LIAS: variants seen among roughly 807,000 people sequenced by gnomAD.
LIAS encodes the protein lipoic acid synthetase, also known as lipoyl synthase, mitochondrial.
In LIAS, 36 loss-of-function variants were observed where a neutral mutation model predicts 49.4. The observed-to-expected ratio is 0.73, with a 90% confidence interval of 0.56 to 0.96. The LOEUF (loss-of-function observed/expected upper bound fraction) is 0.96. Ranked by LOEUF, LIAS falls within the 40% of genes least tolerant of loss-of-function variation. LIAS has a pLI of 0.00. For synonymous variants in LIAS, 145 were observed against 155.8 expected (o/e 0.93, Z 0.52); for missense variants, 399 against 456.3 (o/e 0.87, Z 1.14).
intron 9 of LIAS, among the ~76,000 whole-genome samples, chr4:39,471,829 A>AT (rs1407968001): frequency 6.6e-6 from 1 of 151,798 alleles, no homozygotes; most frequent in Non-Finnish European, 1.5e-5. Flanking sequence ...CACCCAGCCA[A>AT]TTTTTTATAT....
At chr4:39,468,051 T>C (rs553156692) in intron 7 of LIAS, 2 of 152,270 alleles carry the variant, frequency 1.3e-5, no homozygotes, top group African/African-American at 4.8e-5. Flanking sequence ...CTTTTTTCTT[T>C]TGTTTTAAAA....
chr4:39,472,122 TATAC>T (rs772513044), intron 9 of LIAS, among the ~76,000 whole-genome samples: 6 of 130,910 alleles, frequency 4.6e-5, no homozygotes, highest in Non-Finnish European at 8.4e-5. Flanking sequence ...CACACACACA[TATAC>T]ACACACACAC....
intron 6 of LIAS, 128 bp from the exon 7 acceptor site, chr4:39,467,390 C>A: frequency 3.7e-6 from 3 of 809,994 alleles, no homozygotes; most frequent in Non-Finnish European, 5.3e-6. Context: ...TATGTTCATA[C>A]TTTTCTTGAC....
rs1182861876 is a variant in LIAS at position 39,471,232 on chromosome 4, A to G, written c.884-4A>G. On this transcript the variant is annotated splice_polypyrimidine_tract_variant and splice_region_variant and intron_variant, in intron 8 of 10. Coordinates refer to ENST00000640888, the MANE Select transcript of LIAS (RefSeq NM_006859.4). ...TAATGTAATTTGTGCTTTTCTTCCT[A>G]CAGCACTTCGTGAGGCAGATGTAGA... 1.2e-6 allele frequency: 2 copies of G among 1,607,276 alleles called. No homozygotes were observed. Among genetic ancestry groups the G allele is most frequent in the African/African-American group, 1.3e-5 (1 of 74,824 alleles).
chr4:39,463,392 A>G (rs1744619376), intron 3 of LIAS, 133 bp from the exon 4 acceptor site: 2 of 1,233,472 alleles, frequency 1.6e-6, no homozygotes, highest in Non-Finnish European at 2.1e-6. Context: ...TCTTAACAGC[A>G]TTTTTGAATA....
chr4:39,475,158 G>C (rs1745148528), intron 10 of LIAS: 1 of 152,380 alleles, frequency 6.6e-6, no homozygotes, highest in African/African-American at 2.4e-5. Context: ...AGTGAGCCAA[G>C]ATCCTGCCAC....
chr4:39,460,712 G>A (rs554747736), intron 1 of LIAS, 78 bp from the exon 2 acceptor site: 94 of 1,239,460 alleles, frequency 7.6e-5, no homozygotes, highest in Non-Finnish European at 9.6e-5. Context: ...TTACCCTTCC[G>A]TTTAGGTGTT....
At chr4:39,471,979 A>G (rs927991834) in intron 9 of LIAS, among the ~76,000 whole-genome samples, 4 of 151,754 alleles carry the variant, frequency 2.6e-5, no homozygotes, top group African/African-American at 9.7e-5. Context: ...ATAGCTTTTG[A>G]CTCCCAAAAA....
chr4:39,464,927 A>T, intron 4 of LIAS, 119 bp from the exon 5 acceptor site: 1 of 711,352 alleles, frequency 1.4e-6, no homozygotes, highest in Non-Finnish European at 2.3e-6. Flanking sequence ...GAATGTTTCA[A>T]ATTTCTTATA....
intron 4 of LIAS, chr4:39,464,163 A>C (rs1018677155): frequency 6.6e-6 from 1 of 152,018 alleles, no homozygotes; most frequent in Non-Finnish European, 1.5e-5. Context: ...AACCTTGTCC[A>C]TACAAAAAAA....
At position 39,461,295 on chromosome 4, in the gene LIAS, G is replaced by C. The variant is rs566777068; in HGVS notation, c.218+333G>C. Among the ~76,000 whole-genome samples the C allele has an allele frequency of 7.2e-5, 11 of 152,270 alleles. No homozygotes were observed. The South Asian group carries it at 2.3e-3, about 32-fold the overall frequency. On this transcript the variant is annotated intron_variant, in intron 2 of 10. Transcript: ENST00000640888. Reference sequence around the variant, plus strand: ...GATGATCTAACTTGTGCTTCTCCTAGTCAATTTACATGTGACCTATGGATA... The same window carrying C: ...GATGATCTAACTTGTGCTTCTCCTACTCAATTTACATGTGACCTATGGATA...
chr4:39,462,578 G>A (rs917767762), intron 3 of LIAS, among the ~76,000 whole-genome samples: 4 of 152,128 alleles, frequency 2.6e-5, no homozygotes, highest in Non-Finnish European at 5.9e-5. Flanking sequence ...TGTCACATAC[G>A]CAATGCCATA....
rs185073607 is a variant in LIAS at position 39,471,621 on chromosome 4, G to A, written c.954+315G>A. Among the ~76,000 whole-genome samples, 1,139 of 141,080 alleles carry A rather than the reference G, an allele frequency of 8.1e-3. 12 individuals carry two copies. The highest frequency in any genetic ancestry group is 0.025 in the Middle Eastern group (6 of 242). The allele number at this position is 141,080 out of a possible 152,430, so 92.6% of individuals were successfully genotyped here. A position where few individuals can be genotyped will look rare whatever the true frequency, so the allele number is the denominator to read the frequency against. Reference sequence around the variant, plus strand: ...GGCTCACTGCAACCTCCACCTCCCAGGTTCAAATGATTTTCATGCTTCAGC... The same window carrying A: ...GGCTCACTGCAACCTCCACCTCCCAAGTTCAAATGATTTTCATGCTTCAGC... On this transcript the variant is annotated intron_variant, in intron 9 of 10. Transcript: ENST00000640888.
intron 6 of LIAS, among the ~76,000 whole-genome samples, chr4:39,465,768 C>A (rs1309186962): frequency 6.6e-6 from 1 of 151,468 alleles, no homozygotes; most frequent in Non-Finnish European, 1.5e-5. Context: ...AAGCATTTAT[C>A]CTGCCTCAGC....
intron 7 of LIAS, 52 bp downstream of exon 7, chr4:39,467,698 CAT>C (rs1343940832): frequency 7.1e-7 from 1 of 1,412,144 alleles, no homozygotes; most frequent in African/African-American, 1.4e-5. Context: ...CAAAATATGC[CAT>C]ATATTCTTGC....
intron 10 of LIAS, chr4:39,476,300 TG>T (rs780050124): frequency 2.0e-5 from 3 of 152,334 alleles, no homozygotes; most frequent in East Asian, 1.9e-4. Flanking sequence ...TGGAGCAGCA[TG>T]GATTACTTGG....
rs776552101 is a variant in LIAS, at chr4:39,460,887, T to G, written c.143T>G (p.Phe48Cys). 1 of 1,613,454 alleles carries G rather than the reference T, an allele frequency of 6.2e-7. No individual in the cohort carries two copies. The highest frequency in any genetic ancestry group is 1.1e-5 in the South Asian group (1 of 90,906). Residue 48 changes from phenylalanine to cysteine, a missense_variant, in exon 2 of 11, where the codon TTT becomes TGT. Coordinates refer to ENST00000640888, the MANE Select transcript of LIAS (RefSeq NM_006859.4). ...CAGAATGGACCAGACCTTCAAGATT[T>G]TGTATCTGGTGATCTTGCAGACAGG... is the stretch of plus-strand genomic sequence containing the variant. ...LLQNGPDLQD[F>C]VSGDLADRST...
At position 39,477,209 on chromosome 4, in the gene LIAS, T is replaced by C; in HGVS notation, c.*94T>C. 1 of 927,500 alleles carries C rather than the reference T, an allele frequency of 1.1e-6. No individual in the cohort carries two copies. The highest frequency in any genetic ancestry group is 1.7e-5 in the African/African-American group (1 of 58,846). 57.5% of individuals were successfully genotyped at this position (927,500 alleles called of 1,614,324 possible). ...GCCAGAATGCCTGGACTGCAGTGGATGTGCCCCACCTCTTTGCTTAAAAAA... is the reference window on the plus strand; with the variant it reads ...GCCAGAATGCCTGGACTGCAGTGGACGTGCCCCACCTCTTTGCTTAAAAAA... On this transcript the variant is annotated 3_prime_UTR_variant, in exon 11 of 11. Coordinates refer to ENST00000640888, the MANE Select transcript of LIAS (RefSeq NM_006859.4).
rs2109883050 is a variant in LIAS at position 39,470,117 on chromosome 4, T to G, written c.836T>G (p.Met279Arg). The G allele has an allele frequency of 6.2e-7, 1 of 1,613,940 alleles. No individual in the cohort carries two copies. The highest frequency in any genetic ancestry group is 2.2e-5 in the East Asian group (1 of 44,886). ...QPDVISKTSI[M>R]LGLGENDEQV... Reference sequence around the variant, plus strand: ...GATGTTATTTCTAAAACATCTATAATGTTGGGTTTAGGCGAGAATGATGAG... The same window carrying G: ...GATGTTATTTCTAAAACATCTATAAGGTTGGGTTTAGGCGAGAATGATGAG... The change falls in exon 8 of 11, where the codon ATG becomes AGG. Residue 279 changes from methionine (M) to arginine (R), a missense_variant. Around this residue, in one of 3 missense-constraint regions of LIAS, gnomAD observed 234 missense variants for 292.2 expected, o/e 0.80. Transcript: ENST00000640888.
Sources: gnomAD v4.1 joint callset for allele counts (sites outside exome capture counted in the v4.1 genomes callset) on GRCh38, gnomAD v4.1.1 for gene constraint, gnomAD v4.1.1 regional missense constraint, MANE v1.5 for transcripts, NCBI Gene and HGNC (gene_info 2026-07-23, HGNC 2026-07-21) for gene names.